Variants in GFRA1 observed in about 807,000 individuals in gnomAD.
GFRA1 encodes the protein GDNF family receptor alpha-1.
A neutral mutation model predicts 51.6 loss-of-function variants in GFRA1; 16 were observed. The ratio of observed to expected loss-of-function variants is 0.31; its 90% confidence interval spans 0.21 to 0.47. The LOEUF (loss-of-function observed/expected upper bound fraction) is 0.47. Among genes scored for constraint, GFRA1 ranks in the 20% least tolerant of loss-of-function variants. The pLI is 1.00. For synonymous variants in GFRA1, 270 were observed against 241.3 expected, an observed-to-expected ratio of 1.12 and a Z score of -1.10; for missense variants, 530 against 594.3, an observed-to-expected ratio of 0.89 and a Z score of 1.13.
At chr10:116,254,949 G>GAT (rs1968707166) in intron 4 of GFRA1, among the ~76,000 whole-genome samples, 1 of 152,152 alleles carries the variant, frequency 6.6e-6, no homozygotes. Flanking sequence ...AGAAGACTGA[G>GAT]ATAAATGTGT....
chr10:116,143,829 G>A (rs1454181285), intron 5 of GFRA1, among the ~76,000 whole-genome samples: 1 of 152,152 alleles, frequency 6.6e-6, no homozygotes, highest in East Asian at 1.9e-4. Flanking sequence ...TGTAATATAA[G>A]GCTCAAGTAT....
intron 9 of GFRA1, among the ~76,000 whole-genome samples, chr10:116,085,499 C>T (rs190748926): frequency 1.2e-4 from 18 of 151,228 alleles, no homozygotes; most frequent in African/African-American, 4.3e-4. Flanking sequence ...AAACGCCATT[C>T]TAAGATATTT....
In GFRA1 at chr10:116,057,654, C is replaced by T. The variant is rs1308610511; in HGVS notation, c.*6744G>A. 6.6e-6 allele frequency: 1 copy of T among 151,942 alleles called. No individual in the cohort carries two copies. The highest frequency in any genetic ancestry group is 2.4e-5 in the African/African-American group (1 of 41,362). 9.4% of individuals were successfully genotyped at this position (151,942 alleles called of 1,614,324 possible). On this transcript the variant is annotated 3_prime_UTR_variant, in exon 11 of 11. Transcript: ENST00000355422. ...ACTCTGCAGTGAAAAGTGTTTCCCC[C>T]ACTCCCTTGGGCGAGGGAAGGGAGA...
chr10:116,103,966 A>G (rs1205619063), intron 6 of GFRA1, among the ~76,000 whole-genome samples: 2 of 152,170 alleles, frequency 1.3e-5, no homozygotes, highest in African/African-American at 4.8e-5. Flanking sequence ...GGAGTAGGCT[A>G]CGGAGCTGCG....
At chr10:116,266,699 G>A (rs750017286) in intron 4 of GFRA1, among the ~76,000 whole-genome samples, 39 of 152,180 alleles carry the variant, frequency 2.6e-4, no homozygotes, top group Non-Finnish European at 4.3e-4. Context: ...GCTGGCCTGC[G>A]AATGGGATCC....
intron 6 of GFRA1, among the ~76,000 whole-genome samples, chr10:116,112,766 C>T (rs1044331578): frequency 2.0e-5 from 3 of 152,240 alleles, no homozygotes; most frequent in East Asian, 1.9e-4. Context: ...GCACAGCTGA[C>T]GGTAGATGCT....
intron 4 of GFRA1, among the ~76,000 whole-genome samples, chr10:116,253,829 C>A (rs374630352): frequency 3.9e-5 from 6 of 152,166 alleles, no homozygotes; most frequent in African/African-American, 1.4e-4. Context: ...GGCAATAAGC[C>A]GGGGTAGCAT....
intron 6 of GFRA1, among the ~76,000 whole-genome samples, chr10:116,112,528 G>GC (rs1957253751): frequency 6.6e-6 from 1 of 152,188 alleles, no homozygotes; most frequent in Non-Finnish European, 1.5e-5. Context: ...CTCTCCCCAA[G>GC]CCCCTACTTG....
intron 5 of GFRA1, among the ~76,000 whole-genome samples, chr10:116,196,508 T>C (rs1166396386): frequency 7.3e-6 from 1 of 136,322 alleles, no homozygotes; most frequent in Non-Finnish European, 1.5e-5. Flanking sequence ...ATATATATAA[T>C]ATATATTTAT....
intron 5 of GFRA1, among the ~76,000 whole-genome samples, chr10:116,144,532 G>C (rs1958711545): frequency 6.6e-6 from 1 of 151,856 alleles, no homozygotes; most frequent in South Asian, 2.1e-4. Flanking sequence ...CCCAAGGAAT[G>C]ATATAGATAT....
chr10:116,138,875 G>A (rs1958445610), intron 5 of GFRA1, among the ~76,000 whole-genome samples: 1 of 152,182 alleles, frequency 6.6e-6, no homozygotes, highest in South Asian at 2.1e-4. Flanking sequence ...TATAACTCTT[G>A]TTAGATTCCC....
intron 4 of GFRA1, among the ~76,000 whole-genome samples, chr10:116,264,055 C>T (rs1026453972): frequency 6.6e-6 from 1 of 152,108 alleles, no homozygotes; most frequent in Non-Finnish European, 1.5e-5. Flanking sequence ...AACTGAGACA[C>T]CGCCAGATGG....
chr10:116,245,699 G>A lies in GFRA1; in HGVS notation c.418+23804C>T, dbSNP rs569087784. ...CTGGAAAGAAGACATCCTTCAGTAA[G>A]TGAATTGGTAAACAAAGTGTGGTCC... On this transcript the variant is annotated intron_variant, in intron 4 of 10. Transcript: ENST00000355422. 2.6e-5 allele frequency among the ~76,000 whole-genome samples: 4 copies of A among 152,312 alleles called. 1 individual carries two copies. The South Asian group carries it at 8.3e-4, about 32-fold the overall frequency.
chr10:116,215,482 G>T (rs1433897343), intron 4 of GFRA1, among the ~76,000 whole-genome samples: 2 of 152,332 alleles, frequency 1.3e-5, no homozygotes, highest in East Asian at 3.9e-4. Context: ...AAAGTCAGGA[G>T]TCAATCTATT....
chr10:116,238,378 C>G (rs1967075221), intron 4 of GFRA1, among the ~76,000 whole-genome samples: 1 of 152,172 alleles, frequency 6.6e-6, no homozygotes, highest in African/African-American at 2.4e-5. Flanking sequence ...CATTCAGCCT[C>G]CAAGACCCTC....
In GFRA1 at chr10:116,062,105, C is replaced by T. The variant is rs78955797; in HGVS notation, c.*2293G>A. ...CCATGCATTCTTCAATGAAGGCTGCCCTTGTTAGCGCTGAAACTCCCATTT... is the reference window on the plus strand; with the variant it reads ...CCATGCATTCTTCAATGAAGGCTGCTCTTGTTAGCGCTGAAACTCCCATTT... On this transcript the variant is annotated 3_prime_UTR_variant, in exon 11 of 11. Coordinates refer to ENST00000355422, the MANE Select transcript of GFRA1 (RefSeq NM_005264.8). 1.5e-3 allele frequency: 596 copies of T among 398,454 alleles called. 2 individuals carry two copies. The highest frequency in any genetic ancestry group is 0.011 in the African/African-American group (522 of 48,682). 24.7% of individuals were successfully genotyped at this position (398,454 alleles called of 1,614,324 possible).
intron 9 of GFRA1, among the ~76,000 whole-genome samples, chr10:116,081,133 A>AT (rs1166332458): frequency 6.6e-6 from 1 of 152,174 alleles, no homozygotes; most frequent in Non-Finnish European, 1.5e-5. Flanking sequence ...AGTGAAATGA[A>AT]CTTGAGGGGG....
chr10:116,232,380 C>T (rs976929622), intron 4 of GFRA1, among the ~76,000 whole-genome samples: 2 of 152,146 alleles, frequency 1.3e-5, no homozygotes, highest in East Asian at 3.9e-4. Context: ...TTTAAATATA[C>T]ACCATTTGAA....
intron 5 of GFRA1, among the ~76,000 whole-genome samples, chr10:116,148,052 A>ATGTGCGTGTG (rs1958891102): frequency 1.2e-5 from 1 of 83,512 alleles, no homozygotes; most frequent in East Asian, 4.4e-4. Context: ...GCGTGTGTGC[A>ATGTGCGTGTG]TGCATGTGTG....
Sources: gnomAD v4.1 joint callset for allele counts (sites outside exome capture counted in the v4.1 genomes callset) on GRCh38, gnomAD v4.1.1 for gene constraint, MANE v1.5 for transcripts, NCBI Gene and HGNC (gene_info 2026-07-23, HGNC 2026-07-21) for gene names.